Variants in SEC23A observed in about 807,000 individuals in gnomAD.
SEC23A encodes the protein SEC23 homolog A, COPII component.
In SEC23A, 56 loss-of-function variants were observed where a neutral mutation model predicts 103.7. The ratio of observed to expected loss-of-function variants is 0.54; its 90% confidence interval spans 0.44 to 0.67. The LOEUF is 0.67. Ranked by LOEUF, SEC23A falls within the 30% of genes least tolerant of loss-of-function variation. The probability of loss-of-function intolerance (pLI) is 0.00; values close to 1 mark genes in which losing one functional copy is unlikely to be tolerated. For missense variants in SEC23A, 784 were observed against 936.4 expected (o/e 0.84, Z 2.12); for synonymous variants, 281 against 293.0 (o/e 0.96, Z 0.42).
chr14:39,092,515 TTAAA>T (rs1246487834), intron 4 of SEC23A, 22 bp downstream of exon 4: 1 of 1,372,920 alleles, frequency 7.3e-7, no homozygotes, highest in East Asian at 2.3e-5. Context: ...TAAAACTTTC[TTAAA>T]TATTTGTTCT....
At chr14:39,088,529 C>T (rs541726395) in intron 5 of SEC23A, 1 of 151,432 alleles carries the variant, frequency 6.6e-6, no homozygotes, top group African/African-American at 2.4e-5. Context: ...GTCAGAAGTT[C>T]AAGACCAACC....
Position 39,048,654 on chromosome 14 carries a change from G to T in SEC23A, c.1735C>A (p.Gln579Lys). 1.9e-6 allele frequency: 3 copies of T among 1,586,408 alleles called. No homozygotes were observed. Among genetic ancestry groups the T allele is most frequent in the Non-Finnish European group, 2.6e-6 (3 of 1,154,994 alleles). Residue 579 changes from glutamine to lysine, a missense_variant and splice_region_variant, in exon 15 of 20, where the codon CAG (glutamine) becomes AAG (lysine). By Grantham distance (53) the Gln-to-Lys change is moderately conservative. This residue lies in a region of SEC23A where 683 missense variants were observed against 774.2 expected (regional missense o/e 0.88). Coordinates refer to ENST00000307712, the MANE Select transcript of SEC23A (RefSeq NM_006364.4). ...ATATGGACCTTTTACCTACTTACCTGTGGATAAAGGGAGAAAGTTTCTGAA... is the reference window on the plus strand; with the variant it reads ...ATATGGACCTTTTACCTACTTACCTTTGGATAAAGGGAGAAAGTTTCTGAA... ...RFSETFSLYP[Q>K]FMFHLRRSSF... is the part of the protein sequence containing the mutation.
At chr14:39,077,466 C>T (rs151287050) in intron 7 of SEC23A, among the ~76,000 whole-genome samples, 372 of 151,716 alleles carry the variant, frequency 2.5e-3, no homozygotes, top group African/African-American at 8.3e-3. Flanking sequence ...TGCTTGAACC[C>T]GGGAGGTGGA....
At chr14:39,097,446 T>C (rs950118588) in intron 1 of SEC23A, among the ~76,000 whole-genome samples, 7 of 152,146 alleles carry the variant, frequency 4.6e-5, no homozygotes, top group African/African-American at 1.2e-4. Flanking sequence ...CTAAGAGCAA[T>C]AGTGGGACAA....
At chr14:39,074,356 A>G (rs1886938422) in intron 9 of SEC23A, 59 bp downstream of exon 9, 2 of 1,059,058 alleles carry the variant, frequency 1.9e-6, no homozygotes, top group Non-Finnish European at 3.0e-6. Context: ...ATTGGTTTAT[A>G]TCAGTAAATG....
At chr14:39,046,340 G>A (rs189955836) in intron 15 of SEC23A, among the ~76,000 whole-genome samples, 5 of 152,180 alleles carry the variant, frequency 3.3e-5, no homozygotes, top group African/African-American at 4.8e-5. Context: ...GGGTATGGTC[G>A]CATGTGTCTG....
intron 10 of SEC23A, among the ~76,000 whole-genome samples, chr14:39,066,020 A>C (rs921136283): frequency 1.3e-4 from 16 of 122,586 alleles, no homozygotes; most frequent in East Asian, 1.0e-3. Flanking sequence ...AAAAAAAAAA[A>C]AAAAAAAAAA....
intron 16 of SEC23A, among the ~76,000 whole-genome samples, chr14:39,043,410 T>C (rs1885720176): frequency 6.6e-6 from 1 of 152,170 alleles, no homozygotes; most frequent in Admixed American, 6.6e-5. Context: ...AATTTAAAAA[T>C]AGAGTAAAGT....
chr14:39,057,080 G>A (rs34328534), intron 13 of SEC23A, among the ~76,000 whole-genome samples: 41,787 of 151,818 alleles, frequency 0.28, 6,690 homozygotes, highest in Non-Finnish European at 0.35. Context: ...TTGGGAGGCT[G>A]AGGCAGGCAG....
chr14:39,100,165 T>G (rs1313422120), intron 1 of SEC23A, among the ~76,000 whole-genome samples: 3 of 152,192 alleles, frequency 2.0e-5, no homozygotes, highest in Non-Finnish European at 4.4e-5. Context: ...AAGATCAATT[T>G]GCTTGCTAAA....
intron 8 of SEC23A, 152 bp downstream of exon 8, chr14:39,075,783 G>GA (rs1327529105): frequency 2.8e-6 from 2 of 704,320 alleles, no homozygotes; most frequent in Non-Finnish European, 2.4e-6. Context: ...AAATTATCAA[G>GA]AAAAAATGAA....
At chr14:39,071,592 C>T (rs145711660) in intron 9 of SEC23A, among the ~76,000 whole-genome samples, 3 of 151,954 alleles carry the variant, frequency 2.0e-5, no homozygotes, top group East Asian at 1.9e-4. Flanking sequence ...AGGCTGGGCA[C>T]GGTGGCTCAG....
chr14:39,069,547 C>A (rs1231242699), intron 9 of SEC23A, among the ~76,000 whole-genome samples: 3 of 152,122 alleles, frequency 2.0e-5, no homozygotes, highest in Admixed American at 1.3e-4. Context: ...ACAGCCTCGA[C>A]TTCCCAAGCT....
chr14:39,086,523 G>C (rs1377576772), intron 6 of SEC23A, among the ~76,000 whole-genome samples: 2 of 152,136 alleles, frequency 1.3e-5, no homozygotes, highest in Non-Finnish European at 2.9e-5. Context: ...TTGGGAGGCT[G>C]AGGCAGGAGA....
At chr14:39,076,436 T>C (rs1193213902) in intron 7 of SEC23A, among the ~76,000 whole-genome samples, 3 of 150,730 alleles carry the variant, frequency 2.0e-5, no homozygotes, top group African/African-American at 7.3e-5. Context: ...TTTTAATTTT[T>C]TTTTTTTTTT....
intron 8 of SEC23A, among the ~76,000 whole-genome samples, chr14:39,074,878 C>T (rs1451802938): frequency 6.6e-6 from 1 of 152,154 alleles, no homozygotes; most frequent in Non-Finnish European, 1.5e-5. Context: ...GAGGCCGAGG[C>T]AGGCAGATCA....
chr14:39,092,232 T>A (rs1031194679), intron 4 of SEC23A, among the ~76,000 whole-genome samples: 3 of 152,206 alleles, frequency 2.0e-5, no homozygotes, highest in Admixed American at 1.3e-4. Context: ...ATTAGCCAAC[T>A]CCAGCATCAT....
intron 17 of SEC23A, 91 bp from the exon 18 acceptor site, chr14:39,040,978 T>TA: frequency 6.9e-7 from 1 of 1,441,366 alleles, no homozygotes; most frequent in Non-Finnish European, 9.2e-7. Context: ...CTTTAGAAAC[T>TA]AAAAAAATTA....
chr14:39,097,668 T>G (rs1275954740), intron 1 of SEC23A, among the ~76,000 whole-genome samples: 1 of 152,200 alleles, frequency 6.6e-6, no homozygotes, highest in African/African-American at 2.4e-5. Context: ...AACACTGTAT[T>G]TCCTCCAATT....
Sources: gnomAD v4.1 joint callset for allele counts (sites outside exome capture counted in the v4.1 genomes callset) on GRCh38, gnomAD v4.1.1 for gene constraint, gnomAD v4.1.1 regional missense constraint, MANE v1.5 for transcripts, NCBI Gene and HGNC (gene_info 2026-07-23, HGNC 2026-07-21) for gene names.